The following FSD1L variants were observed in gnomAD, a reference collection of about 807,000 sequenced individuals.
FSD1L encodes the protein FSD1-like protein.
Under a neutral mutation model 71.6 loss-of-function variants are expected in FSD1L, and 45 were observed. The ratio of observed to expected loss-of-function variants is 0.63; its 90% CI spans 0.49 to 0.81. FSD1L has a LOEUF of 0.81. FSD1L is among the 30% of genes least tolerant of loss of function. FSD1L has a pLI of 0.00. For synonymous variants in FSD1L, 197 were observed against 207.2 expected, an observed-to-expected ratio of 0.95 and a Z score of 0.42; for missense variants, 561 against 618.1, an observed-to-expected ratio of 0.91 and a Z score of 0.98.
chr9:105,538,379 C>T (rs1472460096), intron 12 of FSD1L, among the ~76,000 whole-genome samples: 1 of 152,024 alleles, frequency 6.6e-6, no homozygotes, highest in Admixed American at 6.6e-5. Context: ...TCTTTGGTGG[C>T]AGTTGATTTA....
intron 10 of FSD1L, chr9:105,525,597 T>G (rs1835457881): frequency 1.9e-6 from 3 of 1,612,896 alleles, no homozygotes; most frequent in Non-Finnish European, 2.5e-6. Context: ...GGAGGAGCTT[T>G]CATCTCCTGA....
At chr9:105,500,882 T>C (rs1489973553) in intron 7 of FSD1L, 1 of 152,242 alleles carries the variant, frequency 6.6e-6, no homozygotes, top group Non-Finnish European at 1.5e-5. Context: ...TGGAGAAAAC[T>C]CAGCTTAATA....
chr9:105,446,105 CA>C (rs146571180), upstream of FSD1L, among the ~76,000 whole-genome samples: 1 of 149,678 alleles, frequency 6.7e-6, no homozygotes, highest in East Asian at 2.0e-4. Flanking sequence ...ATTCAGCCCT[CA>C]AAAAAAAAAT....
Position 105,482,799 on chromosome 9 carries a change from G to A in FSD1L, c.465-1582G>A, listed in dbSNP as rs181319399. Among the ~76,000 whole-genome samples the A allele has an allele frequency of 7.9e-3, 1,207 of 152,070 alleles. 10 individuals carry two copies. The highest frequency in any genetic ancestry group is 0.02 in the Middle Eastern group (6 of 294). On this transcript the variant is annotated intron_variant, in intron 6 of 13. Transcript: ENST00000481272. ...CATATTCTTTTTCTTTGATGTCATG[G>A]TGATTGAATCAAATCTTACAGGTTT...
At chr9:105,455,790 A>G (rs1375145758) in intron 1 of FSD1L, among the ~76,000 whole-genome samples, 1 of 152,222 alleles carries the variant, frequency 6.6e-6, no homozygotes, top group African/African-American at 2.4e-5. Context: ...GTTACTCCAT[A>G]TTAGCAGCAC....
At chr9:105,454,589 T>C (rs1830249479) in intron 1 of FSD1L, among the ~76,000 whole-genome samples, 1 of 152,226 alleles carries the variant, frequency 6.6e-6, no homozygotes, top group African/African-American at 2.4e-5. Flanking sequence ...CCACCTTCTT[T>C]CATTAAATGG....
At chr9:105,502,156 TTTAA>T (rs1158151856) in intron 7 of FSD1L, among the ~76,000 whole-genome samples, 1 of 152,316 alleles carries the variant, frequency 6.6e-6, no homozygotes, top group African/African-American at 2.4e-5. Context: ...CTGTTTCTTC[TTTAA>T]TTGTCTAGCT....
intron 10 of FSD1L, among the ~76,000 whole-genome samples, chr9:105,517,398 G>A (rs768204631): frequency 4.6e-5 from 7 of 152,138 alleles, no homozygotes; most frequent in Non-Finnish European, 1.0e-4. Flanking sequence ...TTGAAATGAA[G>A]GGCAGCCAGA....
Position 105,513,956 on chromosome 9 carries a change from G to A in FSD1L, c.1025+1020G>A, listed in dbSNP as rs151252176. Among the ~76,000 whole-genome samples the A allele has an allele frequency of 8.6e-5, 13 of 151,942 alleles. No homozygotes were observed. The East Asian group carries it at 1.4e-3, about 16-fold the overall frequency. On this transcript the variant is annotated intron_variant, in intron 10 of 13. Coordinates refer to ENST00000481272, the MANE Select transcript of FSD1L (RefSeq NM_001145313.3). ...TTTCTTGTTGTACTGAATAATATTC[G>A]TTAGTCTAACATTATAGCTTCGCTT... is the stretch of plus-strand genomic sequence containing the variant.
At chr9:105,526,137 G>A (rs1835492540) in intron 10 of FSD1L, 1 of 1,565,500 alleles carries the variant, frequency 6.4e-7, no homozygotes. Context: ...GTGCTATTGT[G>A]AATGGAAAGG....
At chr9:105,467,603 A>AGAT (rs1267890426) in intron 3 of FSD1L, among the ~76,000 whole-genome samples, 2 of 152,220 alleles carry the variant, frequency 1.3e-5, no homozygotes, top group African/African-American at 4.8e-5. Flanking sequence ...TCTAGTCATT[A>AGAT]GATGATTTAA....
intron 7 of FSD1L, among the ~76,000 whole-genome samples, chr9:105,488,918 C>T (rs888696398): frequency 1.3e-5 from 2 of 151,302 alleles, no homozygotes; most frequent in Non-Finnish European, 2.9e-5. Flanking sequence ...TAACACAAAC[C>T]GTGAGGTGAT....
chr9:105,492,150 C>G (rs1322491742), intron 7 of FSD1L, among the ~76,000 whole-genome samples: 1 of 152,040 alleles, frequency 6.6e-6, no homozygotes, highest in Non-Finnish European at 1.5e-5. Flanking sequence ...GGTTGGTAAG[C>G]TATTGATTAT....
intron 7 of FSD1L, among the ~76,000 whole-genome samples, chr9:105,489,223 G>A (rs1399297857): frequency 6.6e-6 from 1 of 152,098 alleles, no homozygotes; most frequent in African/African-American, 2.4e-5. Context: ...TAGGTAAAAT[G>A]CATGGTGAAG....
rs193300193 is a variant in FSD1L, at chr9:105,464,966, C to T, written c.207+635C>T. Among the ~76,000 whole-genome samples, 8 of 152,084 alleles carry T rather than the reference C, an allele frequency of 5.3e-5. No individual in the cohort carries two copies. In the East Asian group the frequency reaches 1.2e-3, roughly 22 times the overall value. ...CTGCACTCCAGCCTGGGTAATAGAACGAGACTGCATCTCAAAAAGAAAAGA... is the reference window on the plus strand; with the variant it reads ...CTGCACTCCAGCCTGGGTAATAGAATGAGACTGCATCTCAAAAAGAAAAGA... On this transcript the variant is annotated intron_variant, in intron 3 of 13. Coordinates refer to ENST00000481272, the MANE Select transcript of FSD1L (RefSeq NM_001145313.3).
intron 7 of FSD1L, among the ~76,000 whole-genome samples, chr9:105,487,291 T>C (rs1296358993): frequency 6.6e-6 from 1 of 152,172 alleles, no homozygotes; most frequent in Admixed American, 6.5e-5. Context: ...GAGGACAAAT[T>C]CCTGGAAGTG....
chr9:105,445,047 T>C (rs1829612693), upstream of FSD1L, among the ~76,000 whole-genome samples: 1 of 152,150 alleles, frequency 6.6e-6, no homozygotes, highest in Non-Finnish European at 1.5e-5. Context: ...AATTTCTAAA[T>C]GGATTTGGCT....
At chr9:105,523,638 C>A in intron 10 of FSD1L, 3 of 1,609,698 alleles carry the variant, frequency 1.9e-6, no homozygotes, top group South Asian at 1.1e-5. Context: ...AATTCTTACA[C>A]CTTGGCTTTT....
chr9:105,532,153 A>G (rs1406009747), intron 10 of FSD1L, among the ~76,000 whole-genome samples: 16 of 152,188 alleles, frequency 1.1e-4, no homozygotes, highest in Admixed American at 1.0e-3. Flanking sequence ...TGCCCCTCAC[A>G]AGATCAGGAA....
Sources: gnomAD v4.1 joint callset for allele counts (sites outside exome capture counted in the v4.1 genomes callset) on GRCh38, gnomAD v4.1.1 for gene constraint, MANE v1.5 for transcripts, NCBI Gene and HGNC (gene_info 2026-07-23, HGNC 2026-07-21) for gene names.